Variants in LSAMP observed in about 807,000 individuals in gnomAD.
The protein encoded by LSAMP is limbic system associated membrane protein.
A neutral mutation model predicts 38.6 loss-of-function variants in LSAMP; 7 were observed. That is an observed-to-expected ratio of 0.18 (90% CI 0.10 to 0.34). The LOEUF (loss-of-function observed/expected upper bound fraction) is 0.34. Ranked by LOEUF, LSAMP falls within the 10% of genes least tolerant of loss-of-function variation. The pLI is 1.00. For missense variants in LSAMP, 313 were observed against 420.0 expected (o/e 0.75, Z 2.23); for synonymous variants, 154 against 166.8 (o/e 0.92, Z 0.59).
intron 1 of LSAMP, among the ~76,000 whole-genome samples, chr3:116,407,124 T>C (rs187387008): frequency 5.7e-4 from 87 of 152,196 alleles, no homozygotes; most frequent in Admixed American, 1.2e-3. Flanking sequence ...CATATCTGTC[T>C]GTGAAGGGAA....
At chr3:115,931,482 C>T (rs544214225) in intron 3 of LSAMP, among the ~76,000 whole-genome samples, 20 of 152,130 alleles carry the variant, frequency 1.3e-4, no homozygotes, top group Non-Finnish European at 2.9e-4. Context: ...CAAAGTGGCT[C>T]TTATTCTCTG....
intron 1 of LSAMP, among the ~76,000 whole-genome samples, chr3:116,411,117 C>T (rs11927240): frequency 0.11 from 16,640 of 152,038 alleles, 1,275 homozygotes; most frequent in African/African-American, 0.22. Flanking sequence ...ATTAAAAAGT[C>T]AGGAAACAAC....
chr3:116,404,574 TAAAGTC>T, intron 1 of LSAMP, among the ~76,000 whole-genome samples: 1 of 152,206 alleles, frequency 6.6e-6, no homozygotes, highest in African/African-American at 2.4e-5. Context: ...AAATAAGTCG[TAAAGTC>T]AAAGGAAGAC....
At chr3:116,376,742 A>G (rs1018923031) in intron 1 of LSAMP, among the ~76,000 whole-genome samples, 10 of 152,104 alleles carry the variant, frequency 6.6e-5, no homozygotes, top group African/African-American at 2.4e-4. Context: ...AAGACACCCC[A>G]GTGGGGATCA....
chr3:115,891,888 T>C (rs1936609000), intron 3 of LSAMP, among the ~76,000 whole-genome samples: 1 of 151,976 alleles, frequency 6.6e-6, no homozygotes, highest in African/African-American at 2.4e-5. Context: ...GTTCTGCATA[T>C]AGTTAAGTAG....
chr3:115,850,605 C>T (rs1935298837), intron 4 of LSAMP, among the ~76,000 whole-genome samples: 1 of 152,158 alleles, frequency 6.6e-6, no homozygotes. Flanking sequence ...ATAGTAATAA[C>T]TGGCATTTCA....
At chr3:116,057,936 C>A (rs929561592) in intron 2 of LSAMP, among the ~76,000 whole-genome samples, 1 of 122,462 alleles carries the variant, frequency 8.2e-6, no homozygotes, top group African/African-American at 3.6e-5. Context: ...AGTAGCTACA[C>A]ACACACACAC....
At chr3:116,264,557 G>A (rs918300553) in intron 1 of LSAMP, among the ~76,000 whole-genome samples, 1 of 152,092 alleles carries the variant, frequency 6.6e-6, no homozygotes, top group African/African-American at 2.4e-5. Context: ...AGAGAGTTAA[G>A]GGATAGAGAG....
At chr3:116,299,317 G>A (rs987065586) in intron 1 of LSAMP, among the ~76,000 whole-genome samples, 4 of 152,180 alleles carry the variant, frequency 2.6e-5, no homozygotes, top group Admixed American at 1.3e-4. Context: ...AGAGTCTCAC[G>A]TACTGGAAAC....
chr3:115,911,226 TTTC>T lies in LSAMP; in HGVS notation c.515-58612_515-58610del, dbSNP rs565699099. 1.6e-4 allele frequency among the ~76,000 whole-genome samples: 25 copies of T among 152,334 alleles called. No individual in the cohort carries two copies. In the South Asian group the frequency reaches 5.2e-3, roughly 32 times the overall value. ...GCTATAGTAAAAATATATACAGTTG[TTTC>T]TTCTTATTGCTATGTAGTGTTTTGT... On this transcript the variant is annotated intron_variant, in intron 3 of 6. Coordinates refer to ENST00000490035, the MANE Select transcript of LSAMP (RefSeq NM_002338.5).
intron 3 of LSAMP, among the ~76,000 whole-genome samples, chr3:115,949,389 GT>G (rs1356150069): frequency 6.7e-6 from 1 of 148,242 alleles, no homozygotes; most frequent in Non-Finnish European, 1.5e-5. Context: ...CTTAAAAATA[GT>G]TTTTTTGTTT....
chr3:116,435,452 C>T (rs182138170), intron 1 of LSAMP, among the ~76,000 whole-genome samples: 1 of 152,014 alleles, frequency 6.6e-6, no homozygotes, highest in East Asian at 1.9e-4. Flanking sequence ...CCTGTTATTT[C>T]TCCTTATTCT....
At chr3:115,885,794 A>G (rs147045610) in intron 3 of LSAMP, among the ~76,000 whole-genome samples, 132 of 152,032 alleles carry the variant, frequency 8.7e-4, no homozygotes, top group Non-Finnish European at 1.3e-3. Context: ...TAATGCTACC[A>G]GGATCTGAAA....
Position 115,810,407 on chromosome 3 carries a change from C to T in LSAMP, c.927G>A (p.Gly309=), listed in dbSNP as rs764713093. The T allele has an allele frequency of 9.9e-6, 16 of 1,612,224 alleles. No homozygotes were observed. Among genetic ancestry groups the T allele is most frequent in the Non-Finnish European group, 1.3e-5 (15 of 1,178,790 alleles). Residue 309 remains glycine, a synonymous_variant, in exon 7 of 7, where the codon GGG becomes GGA. Coordinates refer to ENST00000490035, the MANE Select transcript of LSAMP (RefSeq NM_002338.5). ...TGGATCCATTTATTCCTCTCACCGA[C>T]CCAGGTCCTGCAGAGCAAAAGAGGA... ...TNASLVLFRP[G]SVRGINGSIS...
intron 4 of LSAMP, among the ~76,000 whole-genome samples, chr3:115,850,686 C>T (rs1195784143): frequency 1.3e-5 from 2 of 152,148 alleles, no homozygotes; most frequent in African/African-American, 4.8e-5. Context: ...AATGCAACCC[C>T]TTGCTTCTTG....
chr3:116,206,239 C>T (rs1438775831), intron 1 of LSAMP, among the ~76,000 whole-genome samples: 2 of 149,448 alleles, frequency 1.3e-5, no homozygotes, highest in African/African-American at 4.9e-5. Context: ...TCTGTGGGAT[C>T]AGTGGTGATA....
intron 3 of LSAMP, among the ~76,000 whole-genome samples, chr3:115,979,105 G>A (rs563289834): frequency 2.6e-5 from 4 of 152,196 alleles, no homozygotes; most frequent in Non-Finnish European, 5.9e-5. Context: ...CAATATCTAA[G>A]GGTTGAAGAC....
intron 2 of LSAMP, among the ~76,000 whole-genome samples, chr3:116,022,224 C>G (rs1940658515): frequency 7.1e-6 from 1 of 140,972 alleles, no homozygotes; most frequent in South Asian, 2.2e-4. Flanking sequence ...TCTCCCTAAA[C>G]TCTTATTAAC....
intron 3 of LSAMP, among the ~76,000 whole-genome samples, chr3:115,936,469 G>T (rs1363952817): frequency 6.6e-6 from 1 of 152,090 alleles, no homozygotes; most frequent in Non-Finnish European, 1.5e-5. Flanking sequence ...ACAGAGTGAG[G>T]TGTCATAAAA....
Sources: gnomAD v4.1 joint callset for allele counts (sites outside exome capture counted in the v4.1 genomes callset) on GRCh38, gnomAD v4.1.1 for gene constraint, MANE v1.5 for transcripts, NCBI Gene and HGNC (gene_info 2026-07-23, HGNC 2026-07-21) for gene names.